Variants in DOP1B observed in about 807,000 individuals in gnomAD.
DOP1B encodes the protein protein DOP1B.
DOP1B carries 174 observed loss-of-function variants against 233.5 expected under a neutral mutation model. That is an observed-to-expected ratio of 0.75 (90% CI 0.66 to 0.85). DOP1B has a LOEUF of 0.85. Ranked by LOEUF, DOP1B falls within the 40% of genes least tolerant of loss-of-function variation. The pLI is 0.00. For synonymous variants in DOP1B, 1,190 were observed against 1,185.6 expected (o/e 1.00, Z -0.08); for missense variants, 2,652 against 2,846.6 (o/e 0.93, Z 1.56).
At position 36,169,490 on chromosome 21, in the gene DOP1B, A is replaced by T. The variant is rs150326328; in HGVS notation, c.138+4619A>T. The stretch of plus-strand genomic sequence containing the variant: ...CTTCTTGGTGTGCCAACAACTGGTG[A>T]CCCCTTTGTAGCCTTTGCCCTTGGT... On this transcript the variant is annotated intron_variant, in intron 2 of 36. Coordinates refer to ENST00000691173, the MANE Select transcript of DOP1B (RefSeq NM_001320714.2). The T allele has an allele frequency of 2.8e-4, 313 of 1,111,912 alleles. 2 individuals carry two copies. In the East Asian group the frequency reaches 7.3e-3, roughly 26 times the overall value. 68.9% of individuals were successfully genotyped at this position (1,111,912 alleles called of 1,614,324 possible). A position where few individuals can be genotyped will look rare whatever the true frequency, so the allele number is the denominator to read the frequency against.
In DOP1B at chr21:36,245,640, C is replaced by T. The variant is rs372389778; in HGVS notation, c.3660C>T (p.Ala1220=). The T allele has an allele frequency of 2.0e-5, 33 of 1,613,310 alleles. No homozygotes were observed. In the Middle Eastern group the frequency reaches 4.9e-4, roughly 24 times the overall value. The change falls in exon 19 of 37, where the codon GCC becomes GCT. Residue 1220 remains alanine (A), a synonymous_variant. Coordinates refer to ENST00000691173, the MANE Select transcript of DOP1B (RefSeq NM_001320714.2). The surrounding 1 kb of genome is among the most constrained non-coding windows in gnomAD (Gnocchi z 5.5). ...LLKQQRERQE[A]VEALFKHILL... ...AGCAGCAGCGGGAAAGGCAGGAGGC[C>T]GTCGAGGCCTTGTTCAAGCACATCC... is the stretch of plus-strand genomic sequence containing the variant.
chr21:36,252,548 CT>C (rs896307020), intron 22 of DOP1B, among the ~76,000 whole-genome samples: 201 of 139,210 alleles, frequency 1.4e-3, no homozygotes, highest in African/African-American at 2.3e-3. Flanking sequence ...AAGATAATTT[CT>C]TTTTTTTTTT....
At chr21:36,220,153 A>G (rs1569029414) in intron 10 of DOP1B, among the ~76,000 whole-genome samples, 1 of 152,260 alleles carries the variant, frequency 6.6e-6, no homozygotes, top group East Asian at 1.9e-4. Context: ...CTTCTGCCTG[A>G]ACTAGCATTG....
chr21:36,203,534 C>T (rs2066394265), intron 4 of DOP1B, among the ~76,000 whole-genome samples: 1 of 152,084 alleles, frequency 6.6e-6, no homozygotes. Flanking sequence ...CACCACTGCA[C>T]TCTAGCCTGG....
chr21:36,292,477 T>C (rs1056657970), intron 36 of DOP1B, among the ~76,000 whole-genome samples: 4 of 152,012 alleles, frequency 2.6e-5, no homozygotes, highest in Admixed American at 6.6e-5. Context: ...CAGGCTAGAG[T>C]GCAGTGGCAC....
chr21:36,231,499 T>C (rs1402213008), intron 14 of DOP1B, among the ~76,000 whole-genome samples: 3 of 152,166 alleles, frequency 2.0e-5, no homozygotes, highest in African/African-American at 7.2e-5. Flanking sequence ...TTGTAATTAG[T>C]ACATTTTTGA....
chr21:36,232,690 A>T, intron 14 of DOP1B, 114 bp from the exon 15 acceptor site: 1 of 1,425,006 alleles, frequency 7.0e-7, no homozygotes, highest in Non-Finnish European at 9.6e-7. Flanking sequence ...ACTGCTGTCC[A>T]GGTGGATTTC....
Position 36,293,504 on chromosome 21 carries a change from G to A in DOP1B, c.6830G>A (p.Ser2277Asn). The change falls in exon 37 of 37, where the codon AGC (serine) becomes AAC (asparagine). Residue 2277 changes from serine to asparagine, a missense_variant. Ser to Asn is a conservative substitution (Grantham distance 46, BLOSUM62 1). Coordinates refer to ENST00000691173, the MANE Select transcript of DOP1B (RefSeq NM_001320714.2). ...TTCTTGGACTTTCCTGTCACAGATA[G>A]CCCAAGGATCTTAAAACAACTGGAA... ...TPFLDFPVTD[S>N]PRILKQLEEC... is the part of the protein sequence containing the mutation. The A allele has an allele frequency of 6.2e-7, 1 of 1,614,084 alleles. No homozygotes were observed. The highest frequency in any genetic ancestry group is 8.5e-7 in the Non-Finnish European group (1 of 1,179,996).
At chr21:36,169,049 C>T (rs960617262) in intron 2 of DOP1B, 18 of 859,742 alleles carry the variant, frequency 2.1e-5, no homozygotes, top group Admixed American at 8.6e-5. Context: ...GGTCTGGAAG[C>T]GGCCATAGCC....
intron 2 of DOP1B, among the ~76,000 whole-genome samples, chr21:36,165,690 A>G (rs2065903550): frequency 6.7e-6 from 1 of 149,006 alleles, no homozygotes; most frequent in South Asian, 2.1e-4. Flanking sequence ...CATGTGAGGG[A>G]TCTAGGTTGC....
intron 23 of DOP1B, among the ~76,000 whole-genome samples, chr21:36,256,470 G>C (rs1003263166): frequency 2.5e-4 from 38 of 152,144 alleles, no homozygotes; most frequent in African/African-American, 8.9e-4. Context: ...AATGGAAAAA[G>C]TGATTATTAA....
At chr21:36,237,544 G>A in intron 16 of DOP1B, 130 bp downstream of exon 16, 1 of 1,214,968 alleles carries the variant, frequency 8.2e-7, no homozygotes, top group East Asian at 2.6e-5. Flanking sequence ...AATAAAATAA[G>A]CAGAGGTGTT....
chr21:36,224,672 G>A (rs562372756), intron 11 of DOP1B, among the ~76,000 whole-genome samples: 1 of 150,678 alleles, frequency 6.6e-6, no homozygotes, highest in South Asian at 2.1e-4. Context: ...TCATCCCAGG[G>A]TTATGAGATG....
intron 1 of DOP1B, among the ~76,000 whole-genome samples, chr21:36,163,225 C>T (rs531423265): frequency 4.9e-4 from 74 of 151,688 alleles, no homozygotes; most frequent in African/African-American, 1.6e-3. Flanking sequence ...GTGCCTGTAG[C>T]CCCAGCTATT....
intron 2 of DOP1B, among the ~76,000 whole-genome samples, chr21:36,172,310 C>T (rs1439706689): frequency 2.0e-5 from 3 of 152,108 alleles, no homozygotes; most frequent in Admixed American, 6.5e-5. Context: ...TGTGGATGCC[C>T]GCACCATTAG....
intron 36 of DOP1B, 27 bp from the exon 37 acceptor site, chr21:36,293,293 A>G: frequency 1.2e-6 from 2 of 1,606,812 alleles, no homozygotes; most frequent in Non-Finnish European, 1.7e-6. Context: ...AAACCATATC[A>G]TTGTTATGGG....
chr21:36,183,706 C>T (rs537701084), intron 2 of DOP1B, among the ~76,000 whole-genome samples: 4 of 152,298 alleles, frequency 2.6e-5, no homozygotes, highest in African/African-American at 4.8e-5. Flanking sequence ...CAGCACCTGC[C>T]GCCTCTGCCA....
At chr21:36,283,916 C>CT (rs1355478642) in intron 32 of DOP1B, among the ~76,000 whole-genome samples, 8 of 142,654 alleles carry the variant, frequency 5.6e-5, no homozygotes, top group African/African-American at 1.0e-4. Flanking sequence ...CCTTTTCAGT[C>CT]TAAGAGCAGA....
chr21:36,222,694 A>G (rs2123521521), intron 10 of DOP1B, among the ~76,000 whole-genome samples: 1 of 152,178 alleles, frequency 6.6e-6, no homozygotes, highest in Non-Finnish European at 1.5e-5. Flanking sequence ...GATTTTCTGT[A>G]CAAATTCTTT....
Sources: allele counts gnomAD v4.1 joint callset (sites outside exome capture counted in the v4.1 genomes callset), GRCh38; gene constraint gnomAD v4.1.1; non-coding constraint Gnocchi (gnomAD v3.1); transcripts MANE v1.5; gene names NCBI Gene and HGNC (gene_info 2026-07-23, HGNC 2026-07-21).